The following GFY variants were observed in gnomAD, a reference collection of about 807,000 sequenced individuals.
The protein encoded by GFY is golgi associated olfactory signaling regulator.
A neutral mutation model predicts 29.1 loss-of-function variants in GFY; 28 were observed. The ratio of observed to expected loss-of-function variants is 0.96; its 90% confidence interval spans 0.71 to 1.32. The LOEUF (loss-of-function observed/expected upper bound fraction) is 1.32. Ranked by LOEUF, GFY falls within the 40% of genes most tolerant of loss-of-function variation. The pLI is 0.00. For synonymous variants in GFY, 277 were observed against 274.5 expected (o/e 1.01, Z -0.09); for missense variants, 656 against 661.9 (o/e 0.99, Z 0.10).
upstream of GFY, among the ~76,000 whole-genome samples, chr19:49,424,880 G>A (rs1027832686): frequency 6.6e-6 from 1 of 151,984 alleles, no homozygotes; most frequent in Non-Finnish European, 1.5e-5. Context: ...TACACAGTGA[G>A]GAGAAGATGG....
At chr19:49,424,113 T>A (rs1975048424), upstream of GFY, 1 of 151,406 alleles carries the variant, frequency 6.6e-6, no homozygotes, top group African/African-American at 2.4e-5. Context: ...CCTCAGAGAG[T>A]GAGAAGAGGG....
chr19:49,427,925 A>ATT, intron 2 of GFY, 21 bp from the exon 3 acceptor site: 1 of 1,522,436 alleles, frequency 6.6e-7, no homozygotes. Context: ...AGGAGCTTAG[A>ATT]TTGCTGGTAT....
intron 2 of GFY, 29 bp from the exon 3 acceptor site, chr19:49,427,914 TAGG>T: frequency 6.6e-7 from 1 of 1,519,242 alleles, no homozygotes; most frequent in African/African-American, 1.4e-5. Context: ...AGGAGGGGGT[TAGG>T]AGCTTAGATT....
At chr19:49,427,890 C>T (rs1975097268) in intron 2 of GFY, 56 bp from the exon 3 acceptor site, 10 of 1,499,738 alleles carry the variant, frequency 6.7e-6, no homozygotes, top group South Asian at 1.2e-5. Context: ...AGCTTGGACC[C>T]CTGGGTCTGA....
In GFY at chr19:49,426,693, C is replaced by T. The variant is rs755732179; in HGVS notation, c.263C>T (p.Pro88Leu). The T allele has an allele frequency of 1.0e-5, 16 of 1,535,980 alleles. No homozygotes were observed. Among genetic ancestry groups the T allele is most frequent in the African/African-American group, 1.4e-5 (1 of 72,924 alleles). Residue 88 changes from proline to leucine, a missense_variant, in exon 2 of 4, where the codon CCC becomes CTC. Coordinates refer to ENST00000610896, the MANE Select transcript of GFY (RefSeq NM_001195256.2). Reference protein sequence around the residue: ...LETFPLDFTEPLNPDLRETPH... With the variant: ...LETFPLDFTELLNPDLRETPH... ...ACCTTCCCACTTGACTTCACTGAGC[C>T]CCTCAACCCTGACCTCCGAGAAACC...
upstream of GFY, among the ~76,000 whole-genome samples, chr19:49,424,661 G>C (rs991953283): frequency 4.7e-5 from 7 of 147,734 alleles, no homozygotes; most frequent in Non-Finnish European, 1.0e-4. Flanking sequence ...GACCAGACTG[G>C]CCAACATGGC....
chr19:49,427,131 A>G lies in GFY; in HGVS notation c.701A>G (p.His234Arg). 1 of 1,535,610 alleles carries G rather than the reference A, an allele frequency of 6.5e-7. No individual in the cohort carries two copies. The highest frequency in any genetic ancestry group is 1.2e-5 in the South Asian group (1 of 84,008). ...TPNSEFLQAL[H>R]PDPSKTPHPE... is the part of the protein sequence containing the mutation. ...AACTCTGAATTTCTCCAAGCTCTCC[A>G]TCCTGACCCTTCTAAAACCCCCCAC... Residue 234 changes from histidine (H) to arginine (R), a missense_variant, in exon 2 of 4, where the codon CAT (histidine) becomes CGT (arginine). Coordinates refer to ENST00000610896, the MANE Select transcript of GFY (RefSeq NM_001195256.2).
intron 2 of GFY, 72 bp from the exon 3 acceptor site, chr19:49,427,874 G>T: frequency 3.4e-6 from 5 of 1,473,072 alleles, no homozygotes; most frequent in Admixed American, 2.1e-5. Flanking sequence ...GGGAGGAGGG[G>T]CTAGGAGCTT....
In GFY at chr19:49,426,737, G is replaced by C. The variant is rs1975077260; in HGVS notation, c.307G>C (p.Glu103Gln). ...AGAAACCCCGCACCCAGAGTCTCCT[G>C]AGACCCCCAAAGCTGACTCACTCAC... ...LRETPHPESP[E>Q]TPKADSLTTS... Residue 103 changes from glutamate to glutamine, a missense_variant, in exon 2 of 4, where the codon GAG (glutamate) becomes CAG (glutamine). Physicochemically the swap from Glu to Gln is conservative, Grantham distance 29 (BLOSUM62 2). Coordinates refer to ENST00000610896, the MANE Select transcript of GFY (RefSeq NM_001195256.2). The C allele has an allele frequency of 6.5e-7, 1 of 1,531,502 alleles. No individual in the cohort carries two copies. The highest frequency in any genetic ancestry group is 8.7e-7 in the Non-Finnish European group (1 of 1,145,882). 94.9% of individuals were successfully genotyped at this position (1,531,502 alleles called of 1,614,324 possible). A position where few individuals can be genotyped will look rare whatever the true frequency, so the allele number is the denominator to read the frequency against.
At position 49,428,947 on chromosome 19, in the gene GFY, G is replaced by A; in HGVS notation, c.*129G>A. The A allele has an allele frequency of 1.7e-6, 1 of 600,720 alleles. No individual in the cohort carries two copies. The highest frequency in any genetic ancestry group is 2.6e-6 in the Non-Finnish European group (1 of 378,302). 37.2% of individuals were successfully genotyped at this position (600,720 alleles called of 1,614,324 possible). A position where few individuals can be genotyped will look rare whatever the true frequency, so the allele number is the denominator to read the frequency against. ...TACAGAGATGCTTGCGCTGTGATCA[G>A]AGAACAAGGTCTGAGACCGAATAAA... On this transcript the variant is annotated 3_prime_UTR_variant, in exon 4 of 4. Coordinates refer to ENST00000610896, the MANE Select transcript of GFY (RefSeq NM_001195256.2).
At chr19:49,428,432 G>GACGCC in intron 3 of GFY, among the ~76,000 whole-genome samples, 187 bp from the exon 4 acceptor site, 1 of 152,144 alleles carries the variant, frequency 6.6e-6, no homozygotes, top group South Asian at 2.1e-4. Flanking sequence ...CTGCTGATCG[G>GACGCC]ACGCCACGCC....
rs756665712 is a variant in GFY, at chr19:49,427,316, G to A, written c.886G>A (p.Ala296Thr). Residue 296 changes from alanine (A) to threonine (T), a missense_variant, in exon 2 of 4, where the codon GCC (alanine) becomes ACC (threonine). Ala to Thr is a moderately conservative substitution (Grantham distance 58). Transcript: ENST00000610896. ...AACACCTGTGCCCTTCAAGGATGAC[G>A]CCACTGCTCTAAATGAGCTGTCCCT... Reference protein sequence around the residue: ...PETPVPFKDDATALNELSLNP... With the variant: ...PETPVPFKDDTTALNELSLNP... The A allele has an allele frequency of 1.1e-5, 17 of 1,536,018 alleles. No homozygotes were observed. The South Asian group carries it at 1.4e-4, about 13-fold the overall frequency.
At position 49,426,656 on chromosome 19, in the gene GFY, G is replaced by T. The variant is rs1316316938; in HGVS notation, c.226G>T (p.Val76Phe). 2.0e-6 allele frequency: 3 copies of T among 1,535,648 alleles called. No homozygotes were observed. In the East Asian group the frequency reaches 7.3e-5, roughly 38 times the overall value. ...TGAGCCTTCCAAGCTACCTCATACG[G>T]TTTCCCTGGAAACCTTCCCACTTGA... ...YPEPSKLPHT[V>F]SLETFPLDFT... The change falls in exon 2 of 4, where the codon GTT becomes TTT. Residue 76 changes from valine to phenylalanine, a missense_variant. By Grantham distance (50) the Val-to-Phe change is conservative. Transcript: ENST00000610896.
At position 49,426,497 on chromosome 19, in the gene GFY, C is replaced by T. The variant is rs184852437; in HGVS notation, c.67C>T (p.Pro23Ser). Residue 23 changes from proline to serine, a missense_variant, in exon 2 of 4, where the codon CCC becomes TCC. Coordinates refer to ENST00000610896, the MANE Select transcript of GFY (RefSeq NM_001195256.2). ...CGCCGGCCTGAGGTCCAAGGCCGCTCCCTCAGCCCCTCTGCCTTTGGGCTG... is the reference window on the plus strand; with the variant it reads ...CGCCGGCCTGAGGTCCAAGGCCGCTTCCTCAGCCCCTCTGCCTTTGGGCTG... ...LLAGLRSKAAPSAPLPLGCGF... is the reference protein window; with the variant it reads ...LLAGLRSKAASSAPLPLGCGF... 267 of 1,536,180 alleles carry T rather than the reference C, an allele frequency of 1.7e-4. 2 individuals carry two copies. In the East Asian group the frequency reaches 6.3e-3, roughly 36 times the overall value.
At chr19:49,427,653 G>A (rs1975092636) in intron 2 of GFY, 40 bp downstream of exon 2, 1 of 1,443,504 alleles carries the variant, frequency 6.9e-7, no homozygotes, top group South Asian at 1.5e-5. Context: ...TGAGGGAGGG[G>A]CTGGGGGCCT....
chr19:49,428,060 G>C lies in GFY; in HGVS notation c.1298G>C (p.Arg433Pro). The change falls in exon 3 of 4, where the codon CGG becomes CCG. Residue 433 changes from arginine (R) to proline (P), a missense_variant. Physicochemically the swap from Arg to Pro is moderately radical, Grantham distance 103. Transcript: ENST00000610896. ...GTGCTGCTGTGGTGTCTTTACCGCC[G>C]GGCAGCTAGACAGCGGCCCTTCGCA... Reference protein sequence around the residue: ...IFVLLWCLYRRAARQRPFAHH... With the variant: ...IFVLLWCLYRPAARQRPFAHH... 6.5e-7 allele frequency: 1 copy of C among 1,535,614 alleles called. No homozygotes were observed. Among genetic ancestry groups the C allele is most frequent in the Non-Finnish European group, 8.7e-7 (1 of 1,146,468 alleles).
upstream of GFY, among the ~76,000 whole-genome samples, chr19:49,424,279 G>A (rs748640025): frequency 6.6e-6 from 1 of 152,148 alleles, no homozygotes; most frequent in East Asian, 1.9e-4. Context: ...TCTTGCTCTT[G>A]TTGCCCAGGC....
At chr19:49,425,783 C>T (rs975749944) in intron 1 of GFY, among the ~76,000 whole-genome samples, 1 of 152,140 alleles carries the variant, frequency 6.6e-6, no homozygotes, top group African/African-American at 2.4e-5. Context: ...TCTCCTTTCA[C>T]CCCTGCAATC....
chr19:49,428,537 G>A, intron 3 of GFY, 82 bp from the exon 4 acceptor site: 7 of 1,100,138 alleles, frequency 6.4e-6, no homozygotes, highest in Non-Finnish European at 8.5e-6. Context: ...TCGGTCGGCC[G>A]CACAAAAGCG....
Sources: gnomAD v4.1 joint callset for allele counts (sites outside exome capture counted in the v4.1 genomes callset) on GRCh38, gnomAD v4.1.1 for gene constraint, MANE v1.5 for transcripts, NCBI Gene and HGNC (gene_info 2026-07-23, HGNC 2026-07-21) for gene names.